Variants in RBFOX1 observed in about 807,000 individuals in gnomAD.
RBFOX1 encodes RNA binding fox-1 homolog 1.
In RBFOX1, 8 loss-of-function variants were observed where a neutral mutation model predicts 57.7. The ratio of observed to expected loss-of-function variants is 0.14; its 90% CI spans 0.08 to 0.25. The LOEUF is 0.25. RBFOX1 is among the 10% of genes least tolerant of loss of function. The pLI is 1.00. For synonymous variants in RBFOX1, 326 were observed against 222.4 expected (o/e 1.47, Z -4.15); for missense variants, 611 against 548.5 (o/e 1.11, Z -1.14).
chr16:6,455,207 C>G (rs9938274), intron 2 of RBFOX1, among the ~76,000 whole-genome samples: 2 of 151,764 alleles, frequency 1.3e-5, no homozygotes, highest in African/African-American at 4.8e-5. Flanking sequence ...AGGTGTTTTT[C>G]TAGGCCCTAT....
At chr16:6,921,494 C>A (rs1256622295) in intron 3 of RBFOX1, among the ~76,000 whole-genome samples, 1 of 152,154 alleles carries the variant, frequency 6.6e-6, no homozygotes, top group East Asian at 1.9e-4. Flanking sequence ...CTTCCAGAGG[C>A]TGCATTCAGC....
At chr16:6,439,489 C>T (rs541045634) in intron 2 of RBFOX1, among the ~76,000 whole-genome samples, 1 of 152,276 alleles carries the variant, frequency 6.6e-6, no homozygotes, top group East Asian at 1.9e-4. Flanking sequence ...GTGGAACATC[C>T]CCTGCTTCCC....
At chr16:6,955,658 A>G (rs996151577) in intron 3 of RBFOX1, among the ~76,000 whole-genome samples, 2 of 151,526 alleles carry the variant, frequency 1.3e-5, no homozygotes, top group Non-Finnish European at 2.9e-5. Flanking sequence ...ATCTTTTGCT[A>G]CACCACCACT....
intron 5 of RBFOX1, among the ~76,000 whole-genome samples, chr16:7,550,713 G>T (rs1036342407): frequency 2.0e-5 from 3 of 152,196 alleles, no homozygotes; most frequent in East Asian, 3.9e-4. Flanking sequence ...TCACTGGAGG[G>T]CACCTACAGT....
chr16:7,005,994 C>G (rs1024428780), intron 3 of RBFOX1, among the ~76,000 whole-genome samples: 3 of 152,144 alleles, frequency 2.0e-5, no homozygotes, highest in East Asian at 1.9e-4. Flanking sequence ...AAGGCAAATC[C>G]TCTAAGAAGC....
chr16:7,484,119 G>T (rs1447860986), intron 4 of RBFOX1, among the ~76,000 whole-genome samples: 1 of 152,002 alleles, frequency 6.6e-6, no homozygotes, highest in African/African-American at 2.4e-5. Flanking sequence ...TCCTTTCCCT[G>T]AGCATAAAGT....
intron 4 of RBFOX1, among the ~76,000 whole-genome samples, chr16:5,898,106 C>A (rs2058211585): frequency 6.6e-6 from 1 of 152,090 alleles, no homozygotes; most frequent in Non-Finnish European, 1.5e-5. Context: ...CAAACCTGTC[C>A]TTCTTCACAT....
intron 3 of RBFOX1, among the ~76,000 whole-genome samples, chr16:5,614,004 A>G (rs948340606): frequency 2.6e-5 from 4 of 151,114 alleles, no homozygotes; most frequent in African/African-American, 9.8e-5. Context: ...ACTTCTCTCA[A>G]TGGGGCTGTG....
chr16:6,168,790 C>A (rs1011212097), intron 1 of RBFOX1, among the ~76,000 whole-genome samples: 1 of 151,412 alleles, frequency 6.6e-6, no homozygotes, highest in African/African-American at 2.4e-5. Flanking sequence ...CAGTGTTCTG[C>A]ATTTTCACTG....
At chr16:7,024,811 G>C (rs542108652) in intron 3 of RBFOX1, among the ~76,000 whole-genome samples, 1 of 152,312 alleles carries the variant, frequency 6.6e-6, no homozygotes, top group East Asian at 1.9e-4. Context: ...GGACCCTGTT[G>C]GATGTTAACC....
chr16:6,595,997 A>C (rs1399599998), intron 2 of RBFOX1, among the ~76,000 whole-genome samples: 1 of 149,436 alleles, frequency 6.7e-6, no homozygotes, highest in African/African-American at 2.4e-5. Flanking sequence ...TTTAAGTTGT[A>C]TGTAAGGGTT....
intron 3 of RBFOX1, among the ~76,000 whole-genome samples, chr16:5,677,494 C>G (rs146770758): frequency 1.3e-5 from 2 of 152,290 alleles, no homozygotes; most frequent in Admixed American, 6.5e-5. Context: ...GATAGACTGC[C>G]TACGACTCGC....
chr16:5,259,543 T>G (rs1254389941), intron 1 of RBFOX1, among the ~76,000 whole-genome samples: 1 of 152,184 alleles, frequency 6.6e-6, no homozygotes, highest in Non-Finnish European at 1.5e-5. Context: ...CATTTCAGCT[T>G]GTGAAGTGAG....
intron 5 of RBFOX1, among the ~76,000 whole-genome samples, chr16:7,534,229 G>A (rs1365162811): frequency 6.6e-6 from 1 of 151,540 alleles, no homozygotes; most frequent in Non-Finnish European, 1.5e-5. Context: ...TGGGATTACA[G>A]GCACCCATCA....
chr16:7,342,049 C>A (rs1453782674), intron 4 of RBFOX1, among the ~76,000 whole-genome samples: 1 of 152,022 alleles, frequency 6.6e-6, no homozygotes, highest in South Asian at 2.1e-4. Flanking sequence ...ACATTGTTCT[C>A]AGGAACTGCT....
At chr16:7,262,537 A>G (rs1212259558) in intron 4 of RBFOX1, among the ~76,000 whole-genome samples, 1 of 152,268 alleles carries the variant, frequency 6.6e-6, no homozygotes, top group Non-Finnish European at 1.5e-5. Context: ...GCAGGCATGC[A>G]TAGCACCCCA....
At chr16:6,299,311 ACAT>A (rs763696401) in intron 1 of RBFOX1, among the ~76,000 whole-genome samples, 23 of 152,222 alleles carry the variant, frequency 1.5e-4, no homozygotes, top group Non-Finnish European at 2.6e-4. Context: ...TTATTTACTG[ACAT>A]CATTGTTAAA....
At chr16:6,054,765 A>C (rs898394381) in intron 1 of RBFOX1, among the ~76,000 whole-genome samples, 1 of 152,098 alleles carries the variant, frequency 6.6e-6, no homozygotes, top group African/African-American at 2.4e-5. Context: ...ATGTTATGCT[A>C]TATTGGCTAC....
At chr16:6,528,057 C>A (rs549344465) in intron 2 of RBFOX1, among the ~76,000 whole-genome samples, 39 of 152,244 alleles carry the variant, frequency 2.6e-4, no homozygotes, top group African/African-American at 9.4e-4. Flanking sequence ...ATCCTTTCCA[C>A]CCTCAAAGAT....
Sources: gnomAD v4.1 joint callset for allele counts (sites outside exome capture counted in the v4.1 genomes callset) on GRCh38, gnomAD v4.1.1 for gene constraint, MANE v1.5 for transcripts, NCBI Gene and HGNC (gene_info 2026-07-23, HGNC 2026-07-21) for gene names.